Variants in NCOA1 observed in about 807,000 individuals in gnomAD.
The protein encoded by NCOA1 is Hin-2 protein.
NCOA1 carries 35 observed loss-of-function variants against 150.9 expected under a neutral mutation model. The observed-to-expected ratio is 0.23, with a 90% CI of 0.18 to 0.31. The LOEUF is 0.31. Ranked by LOEUF, NCOA1 falls within the 10% of genes least tolerant of loss-of-function variation. The probability of loss-of-function intolerance (pLI) is 1.00; values close to 1 mark genes in which losing one functional copy is unlikely to be tolerated. For missense variants in NCOA1, 1,491 were observed against 1,749.3 expected (o/e 0.85, Z 2.63); for synonymous variants, 590 against 630.0 (o/e 0.94, Z 0.95).
chr2:24,658,918 C>G, intron 5 of NCOA1, 152 bp downstream of exon 5: 1 of 662,932 alleles, frequency 1.5e-6, no homozygotes. Flanking sequence ...AGGGTCTTTG[C>G]ACATGTTTCT....
In NCOA1 at chr2:24,588,916, T is replaced by C. The variant is rs1228656319; in HGVS notation, c.-175+4356T>C. On this transcript the variant is annotated intron_variant, in intron 3 of 22. Transcript: ENST00000348332. ...AGAAAATATAGCTTCTTTATTTTTC[T>C]TATCTCTTCCTTTTGATGAACCCTG... 1.4e-4 allele frequency among the ~76,000 whole-genome samples: 21 copies of C among 152,224 alleles called. 1 individual carries two copies. The highest frequency in any genetic ancestry group is 1.5e-5 in the Non-Finnish European group (1 of 68,042).
chr2:24,590,298 C>G (rs566541752), intron 3 of NCOA1, among the ~76,000 whole-genome samples: 1 of 152,268 alleles, frequency 6.6e-6, no homozygotes, highest in East Asian at 1.9e-4. Flanking sequence ...GAGAGCATAT[C>G]TACTCTCAGT....
chr2:24,604,080 G>A (rs768226715), intron 3 of NCOA1, among the ~76,000 whole-genome samples: 22 of 152,202 alleles, frequency 1.4e-4, no homozygotes, highest in Admixed American at 2.6e-4. Flanking sequence ...GTGGCCAGGT[G>A]CATTGTGAAT....
chr2:24,628,342 C>T (rs1006911779), intron 3 of NCOA1, among the ~76,000 whole-genome samples: 6 of 151,404 alleles, frequency 4.0e-5, no homozygotes, highest in African/African-American at 1.5e-4. Flanking sequence ...CCACCTCGTG[C>T]CATTATTCTG....
chr2:24,536,572 C>A (rs945664731), intron 1 of NCOA1, among the ~76,000 whole-genome samples: 1 of 152,120 alleles, frequency 6.6e-6, no homozygotes, highest in African/African-American at 2.4e-5. Flanking sequence ...TCTGGTTTCT[C>A]CCCATCTTTG....
intron 3 of NCOA1, among the ~76,000 whole-genome samples, chr2:24,598,247 A>C (rs1000612775): frequency 3.3e-5 from 5 of 152,190 alleles, no homozygotes; most frequent in Admixed American, 3.3e-4. Flanking sequence ...TTAACCAATT[A>C]AGTGATTAAT....
chr2:24,729,458 G>T, intron 16 of NCOA1, 43 bp from the exon 17 acceptor site: 1 of 1,542,154 alleles, frequency 6.5e-7, no homozygotes, highest in Non-Finnish European at 8.9e-7. Flanking sequence ...TTACTTATTG[G>T]CAGAAATTTA....
chr2:24,510,928 A>G (rs913703293), intron 1 of NCOA1, among the ~76,000 whole-genome samples: 2 of 152,214 alleles, frequency 1.3e-5, no homozygotes, highest in African/African-American at 4.8e-5. Flanking sequence ...AAAGTTGTAC[A>G]ACCATCACCA....
chr2:24,619,022 T>C (rs944645306), intron 3 of NCOA1, among the ~76,000 whole-genome samples: 1 of 152,232 alleles, frequency 6.6e-6, no homozygotes, highest in Admixed American at 6.5e-5. Flanking sequence ...TATGTTACCA[T>C]TATTGCTTTG....
At chr2:24,524,660 T>C (rs1433628609) in intron 1 of NCOA1, among the ~76,000 whole-genome samples, 1 of 151,942 alleles carries the variant, frequency 6.6e-6, no homozygotes, top group Non-Finnish European at 1.5e-5. Flanking sequence ...CAGGCTGGAG[T>C]GCAATGGTGC....
chr2:24,740,087 T>G lies in NCOA1; in HGVS notation c.3303+554T>G, dbSNP rs368976812. Among the ~76,000 whole-genome samples the G allele has an allele frequency of 7.9e-5, 12 of 152,274 alleles. No homozygotes were observed. In the South Asian group the frequency reaches 8.3e-4, roughly 11 times the overall value. ...CTTTACCCCATACATACCTAAAAATTTTTTGTTTCAACTACTTACTTTTAT... is the reference window on the plus strand; with the variant it reads ...CTTTACCCCATACATACCTAAAAATGTTTTGTTTCAACTACTTACTTTTAT... On this transcript the variant is annotated intron_variant, in intron 18 of 22. Coordinates refer to ENST00000348332, the MANE Select transcript of NCOA1 (RefSeq NM_003743.5).
intron 4 of NCOA1, among the ~76,000 whole-genome samples, chr2:24,648,595 C>T (rs1342097916): frequency 1.3e-5 from 2 of 152,124 alleles, no homozygotes; most frequent in Admixed American, 6.5e-5. Context: ...TTATCTGTGC[C>T]CTTTCCCTTT....
chr2:24,714,499 CAA>C (rs149827593), intron 14 of NCOA1, among the ~76,000 whole-genome samples: 5 of 147,770 alleles, frequency 3.4e-5, no homozygotes, highest in Non-Finnish European at 7.5e-5. Flanking sequence ...ATATAAACTA[CAA>C]AAAAAAAGAG....
chr2:24,686,890 T>C (rs1202122361), intron 8 of NCOA1, among the ~76,000 whole-genome samples: 2 of 152,224 alleles, frequency 1.3e-5, no homozygotes, highest in Non-Finnish European at 2.9e-5. Context: ...ATGTAAATTA[T>C]TACCAGAATG....
chr2:24,751,156 G>T (rs1415357870), intron 19 of NCOA1, among the ~76,000 whole-genome samples: 1 of 150,498 alleles, frequency 6.6e-6, no homozygotes, highest in Non-Finnish European at 1.5e-5. Context: ...TAGTAGAGAT[G>T]GGGTTTCTCA....
At chr2:24,663,133 A>ATGGC (rs1445241160) in intron 5 of NCOA1, among the ~76,000 whole-genome samples, 4 of 151,994 alleles carry the variant, frequency 2.6e-5, no homozygotes. Context: ...GCATTTTATC[A>ATGGC]TGGCAAGATC....
chr2:24,571,852 T>G (rs1216959068), intron 2 of NCOA1, among the ~76,000 whole-genome samples: 1 of 152,192 alleles, frequency 6.6e-6, no homozygotes. Flanking sequence ...TATAACAGTG[T>G]TCAGTATTTT....
At chr2:24,582,438 G>A (rs1331202400) in intron 2 of NCOA1, among the ~76,000 whole-genome samples, 2 of 152,064 alleles carry the variant, frequency 1.3e-5, no homozygotes, top group Admixed American at 6.5e-5. Context: ...AAACACTGAT[G>A]AAATAAATTG....
At chr2:24,565,086 A>T (rs1666442393) in intron 2 of NCOA1, among the ~76,000 whole-genome samples, 1 of 152,198 alleles carries the variant, frequency 6.6e-6, no homozygotes, top group Non-Finnish European at 1.5e-5. Context: ...CTAATGAATT[A>T]CTTGGGCCAG....
Sources: gnomAD v4.1 joint callset for allele counts (sites outside exome capture counted in the v4.1 genomes callset) on GRCh38, gnomAD v4.1.1 for gene constraint, MANE v1.5 for transcripts, NCBI Gene and HGNC (gene_info 2026-07-23, HGNC 2026-07-21) for gene names.